Variants in GSPT1 observed in about 807,000 individuals in gnomAD.
GSPT1 encodes the protein eukaryotic peptide chain release factor GTP-binding subunit ERF3A.
GSPT1 carries 20 observed loss-of-function variants against 72.5 expected under a neutral mutation model. The observed-to-expected ratio is 0.28, with a 90% CI of 0.19 to 0.40. The LOEUF is 0.40. Ranked by LOEUF, GSPT1 falls within the 10% of genes least tolerant of loss-of-function variation. The probability of loss-of-function intolerance (pLI) is 1.00; values close to 1 mark genes in which losing one functional copy is unlikely to be tolerated. For synonymous variants in GSPT1, 334 were observed against 293.5 expected (o/e 1.14, Z -1.41); for missense variants, 580 against 811.9 (o/e 0.71, Z 3.47).
At chr16:11,889,499 G>A (rs970553895) in intron 6 of GSPT1, among the ~76,000 whole-genome samples, 2 of 149,262 alleles carry the variant, frequency 1.3e-5, no homozygotes, top group African/African-American at 4.9e-5. Context: ...CACCACGCCC[G>A]GCTACTTTTT....
At chr16:11,891,370 T>C (rs33644) in intron 5 of GSPT1, among the ~76,000 whole-genome samples, 1 of 140,666 alleles carries the variant, frequency 7.1e-6, no homozygotes, top group Non-Finnish European at 1.5e-5. Flanking sequence ...ATATATATAT[T>C]TTTTTTTTTG....
intron 11 of GSPT1, among the ~76,000 whole-genome samples, chr16:11,879,063 C>T (rs1319117130): frequency 2.1e-5 from 3 of 141,634 alleles, no homozygotes; most frequent in East Asian, 2.1e-4. Flanking sequence ...GCAATAAGAG[C>T]GAAACTCCAT....
intron 5 of GSPT1, among the ~76,000 whole-genome samples, chr16:11,892,524 A>AAAAAAT (rs200463988): frequency 0.018 from 2,331 of 126,716 alleles, 209 homozygotes; most frequent in East Asian, 0.13. Flanking sequence ...CAAAAAAAAC[A>AAAAAAT]AAAAAAACAA....
chr16:11,902,300 T>C lies in GSPT1; in HGVS notation c.353-4265A>G, dbSNP rs572462200. 6.7e-4 allele frequency among the ~76,000 whole-genome samples: 94 copies of C among 140,006 alleles called. 1 individual carries two copies. Among genetic ancestry groups the C allele is most frequent in the African/African-American group, 2.5e-3 (92 of 37,000 alleles). The allele number at this position is 140,006 out of a possible 152,430, so 91.8% of individuals were successfully genotyped here. A position where few individuals can be genotyped will look rare whatever the true frequency, so the allele number is the denominator to read the frequency against. On this transcript the variant is annotated intron_variant, in intron 1 of 14. Transcript: ENST00000434724. ...GGGAGGCCAAGGCAGGAGAATGGCA[T>C]GAACCCGGGAGGTGGAGCTGGCAGT...
In GSPT1 at chr16:11,911,854, ATTTTTTTTTTTT is replaced by A. The variant is rs1158026034; in HGVS notation, c.352+3503_352+3514del. ...GGCATGAGCCACTGCACCCAGCTGTATTTTTTTTTTTTTTTTTTTTTTTTTTTTTGTGGAGAC... is the reference window on the plus strand; with the variant it reads ...GGCATGAGCCACTGCACCCAGCTGTATTTTTTTTTTTTTTTTTGTGGAGAC... On this transcript the variant is annotated intron_variant, in intron 1 of 14. Coordinates refer to ENST00000434724, the MANE Select transcript of GSPT1 (RefSeq NM_002094.4). 3.3e-4 allele frequency among the ~76,000 whole-genome samples: 15 copies of A among 45,410 alleles called. 1 individual carries two copies. In the East Asian group the frequency reaches 4.0e-3, roughly 12 times the overall value. The allele number at this position is 45,410 out of a possible 152,430, so 29.8% of individuals were successfully genotyped here. A position where few individuals can be genotyped will look rare whatever the true frequency, so the allele number is the denominator to read the frequency against.
chr16:11,873,163 T>C lies in GSPT1; in HGVS notation c.1870A>G (p.Ile624Val). 1 of 1,561,020 alleles carries C rather than the reference T, an allele frequency of 6.4e-7. No homozygotes were observed. Among genetic ancestry groups the C allele is most frequent in the Non-Finnish European group, 8.8e-7 (1 of 1,132,772 alleles). ...RFTLRDEGKT[I>V]AIGKVLKLVP... The stretch of plus-strand genomic sequence containing the variant: ...AGTTTCAGAACTTTTCCAATTGCAA[T>C]GGTCTTACCTAGAAATGAAATTTTA... Residue 624 changes from isoleucine to valine, a missense_variant, in exon 15 of 15, where the codon ATT becomes GTT. Physicochemically the swap from Ile to Val is conservative, Grantham distance 29 (BLOSUM62 3). This residue lies in a region of GSPT1 where 120 missense variants were observed against 242.5 expected (regional missense o/e 0.49). Transcript: ENST00000434724.
At chr16:11,895,080 A>T in intron 4 of GSPT1, 93 bp from the exon 5 acceptor site, 1 of 755,228 alleles carries the variant, frequency 1.3e-6, no homozygotes, top group Non-Finnish European at 2.3e-6. Flanking sequence ...TACATAATTA[A>T]ATCTTCCATA....
rs568238596 is a variant in GSPT1 at position 11,892,621 on chromosome 16, G to A, written c.699-1482C>T. ...AAGCAGGCGGATCACAAGGTCAGGA[G>A]TTCAAGACCAGCCTGACCAACATGG... On this transcript the variant is annotated intron_variant, in intron 5 of 14. Transcript: ENST00000434724. Among the ~76,000 whole-genome samples, 15 of 150,982 alleles carry A rather than the reference G, an allele frequency of 9.9e-5. No homozygotes were observed. In the South Asian group the frequency reaches 2.5e-3, roughly 25 times the overall value.
chr16:11,906,881 C>T (rs894466021), intron 1 of GSPT1, among the ~76,000 whole-genome samples: 5 of 151,938 alleles, frequency 3.3e-5, no homozygotes, highest in African/African-American at 1.2e-4. Flanking sequence ...AAGAACGATC[C>T]CATCTCTGAA....
chr16:11,904,858 G>GA (rs1282724669), intron 1 of GSPT1, among the ~76,000 whole-genome samples: 4 of 152,210 alleles, frequency 2.6e-5, no homozygotes, highest in African/African-American at 9.6e-5. Context: ...AGCAAGGCAG[G>GA]AGGATCACTT....
intron 3 of GSPT1, among the ~76,000 whole-genome samples, chr16:11,897,173 A>G (rs2054350761): frequency 6.6e-6 from 1 of 152,268 alleles, no homozygotes; most frequent in Non-Finnish European, 1.5e-5. Context: ...GAAAGGATTT[A>G]GGAAATATTT....
At chr16:11,886,367 G>T in intron 9 of GSPT1, 104 bp downstream of exon 9, 1 of 687,210 alleles carries the variant, frequency 1.5e-6, no homozygotes, top group Non-Finnish European at 2.4e-6. Context: ...AAAGATATAT[G>T]CTCAAAAGCA....
chr16:11,890,304 T>C (rs377645062), intron 6 of GSPT1, among the ~76,000 whole-genome samples: 2 of 152,304 alleles, frequency 1.3e-5, no homozygotes, highest in East Asian at 1.9e-4. Flanking sequence ...TCAGATATTT[T>C]TGAAAACTGA....
intron 1 of GSPT1, among the ~76,000 whole-genome samples, chr16:11,903,344 C>G (rs1187670607): frequency 1.3e-5 from 2 of 152,012 alleles, no homozygotes; most frequent in Non-Finnish European, 1.5e-5. Context: ...AACCCCGTCT[C>G]TACTAAAATA....
chr16:11,892,589 G>A (rs1401731996), intron 5 of GSPT1, among the ~76,000 whole-genome samples: 6 of 149,512 alleles, frequency 4.0e-5, no homozygotes, highest in African/African-American at 9.8e-5. Flanking sequence ...AGCACTTTGC[G>A]AGGCCAAAGC....
At chr16:11,881,679 A>C (rs1399190817) in intron 11 of GSPT1, 1 of 23,866 alleles carries the variant, frequency 4.2e-5, no homozygotes, top group Non-Finnish European at 1.6e-4. Context: ...TTTTTAGTAA[A>C]GGTCTCGTTC....
intron 10 of GSPT1, among the ~76,000 whole-genome samples, chr16:11,884,365 G>A (rs2054160728): frequency 6.6e-6 from 1 of 152,252 alleles, no homozygotes; most frequent in African/African-American, 2.4e-5. Flanking sequence ...CTGGCTCATC[G>A]GGAAACAGCT....
chr16:11,875,434 C>G (rs1050448642), intron 14 of GSPT1, among the ~76,000 whole-genome samples: 1 of 152,064 alleles, frequency 6.6e-6, no homozygotes, highest in Admixed American at 6.6e-5. Context: ...AAAAATCAAT[C>G]TCTATGTTCC....
Position 11,885,345 on chromosome 16 carries a change from A to T in GSPT1, c.1254-71T>A. 2.7e-6 allele frequency: 2 copies of T among 737,614 alleles called. 1 individual carries two copies. Among genetic ancestry groups the T allele is most frequent in the South Asian group, 3.0e-5 (2 of 67,418 alleles). The allele number at this position is 737,614 out of a possible 1,614,324, so 45.7% of individuals were successfully genotyped here. A position where few individuals can be genotyped will look rare whatever the true frequency, so the allele number is the denominator to read the frequency against. ...TCAAAATGTTAAGTTACATGACTAT[A>T]AACAGCTTCTAATAATATTTTCATT... On this transcript the variant is annotated intron_variant, in intron 9 of 14. Coordinates refer to ENST00000434724, the MANE Select transcript of GSPT1 (RefSeq NM_002094.4).
Sources: allele counts gnomAD v4.1 joint callset (sites outside exome capture counted in the v4.1 genomes callset), GRCh38; gene constraint gnomAD v4.1.1; regional missense constraint gnomAD v4.1.1; transcripts MANE v1.5; gene names NCBI Gene and HGNC (gene_info 2026-07-23, HGNC 2026-07-21).